The following LRRD1 variants were observed in gnomAD, a reference collection of about 807,000 sequenced individuals.
LRRD1 encodes the protein leucine rich repeats and death domain containing 1.
LRRD1 carries 49 observed loss-of-function variants against 69.5 expected under a neutral mutation model. The ratio of observed to expected loss-of-function variants is 0.70; its 90% CI spans 0.56 to 0.89. The LOEUF is 0.89. Among genes scored for constraint, LRRD1 ranks in the 40% least tolerant of loss-of-function variants. LRRD1 has a pLI of 0.00. For missense variants in LRRD1, 853 were observed against 956.0 expected, an observed-to-expected ratio of 0.89 and a Z score of 1.42; for synonymous variants, 303 against 338.9, an observed-to-expected ratio of 0.89 and a Z score of 1.16.
intron 3 of LRRD1, among the ~76,000 whole-genome samples, chr7:92,153,744 C>G (rs971964507): frequency 1.3e-5 from 2 of 150,654 alleles, no homozygotes; most frequent in Non-Finnish European, 3.0e-5. Flanking sequence ...AGGCAGGAAA[C>G]CCCAGAGGCA....
At chr7:92,150,151 C>A (rs1357542814) in intron 4 of LRRD1, among the ~76,000 whole-genome samples, 2 of 152,222 alleles carry the variant, frequency 1.3e-5, no homozygotes, top group Non-Finnish European at 2.9e-5. Flanking sequence ...TTAAAGCAAA[C>A]CATCTTTTAA....
chr7:92,167,754 G>A (rs1788942838), intron 1 of LRRD1, among the ~76,000 whole-genome samples: 1 of 150,124 alleles, frequency 6.7e-6, no homozygotes, highest in South Asian at 2.1e-4. Context: ...GCGGGTGCCT[G>A]TAGTCCCAGC....
intron 3 of LRRD1, among the ~76,000 whole-genome samples, chr7:92,155,043 A>G (rs1788621923): frequency 1.3e-5 from 2 of 152,200 alleles, no homozygotes; most frequent in East Asian, 1.9e-4. Context: ...TCACAATTTC[A>G]TCGATAGAAT....
intron 3 of LRRD1, among the ~76,000 whole-genome samples, chr7:92,157,842 G>A (rs1313318460): frequency 6.6e-6 from 1 of 151,784 alleles, no homozygotes; most frequent in Non-Finnish European, 1.5e-5. Flanking sequence ...CTCCCAAAGT[G>A]CTGGAATTAC....
chr7:92,160,912 C>G (rs760094775), intron 2 of LRRD1, among the ~76,000 whole-genome samples: 4 of 152,102 alleles, frequency 2.6e-5, no homozygotes, highest in Admixed American at 1.3e-4. Flanking sequence ...CAGTGAGAAG[C>G]TGACCAGCAA....
At position 92,166,517 on chromosome 7, in the gene LRRD1, T is replaced by C. The variant is rs144732341; in HGVS notation, c.-74-1241A>G. ...GGCCAAATTTACTCAAGAACAAAAA[T>C]GTAAAAATTCTAAACATTAGGGAAT... is the stretch of plus-strand genomic sequence containing the variant. On this transcript the variant is annotated intron_variant, in intron 1 of 5. Transcript: ENST00000458448. Among the ~76,000 whole-genome samples, 243 of 152,232 alleles carry C rather than the reference T, an allele frequency of 1.6e-3. 1 individual carries two copies. The highest frequency in any genetic ancestry group is 5.5e-3 in the African/African-American group (227 of 41,544).
downstream of LRRD1, chr7:92,142,369 TAAAC>T: frequency 2.3e-6 from 1 of 439,988 alleles, no homozygotes. Context: ...TCAGACAACA[TAAAC>T]AAGGTTCTGT....
chr7:92,168,655 G>T (rs1451991808), intron 1 of LRRD1, among the ~76,000 whole-genome samples: 1 of 145,322 alleles, frequency 6.9e-6, no homozygotes, highest in Non-Finnish European at 1.5e-5. Context: ...TAATGACTGA[G>T]TGGAGAAAAA....
At chr7:92,152,563 A>C (rs947978129) in intron 3 of LRRD1, among the ~76,000 whole-genome samples, 38 of 152,168 alleles carry the variant, frequency 2.5e-4, no homozygotes, top group African/African-American at 8.4e-4. Flanking sequence ...GAAACTACCA[A>C]ACTTTTCTAA....
Position 92,164,141 on chromosome 7 carries a change from G to A in LRRD1, c.1062C>T (p.Leu354=). Residue 354 remains leucine, a synonymous_variant, in exon 2 of 6, where the codon CTC becomes CTT. Coordinates refer to ENST00000458448, the MANE Select transcript of LRRD1 (RefSeq NM_001161528.2). ...EIFQLLKIKE[L]QLADNKLEVI... Reference sequence around the variant, plus strand: ...CTTCCAATTTATTGTCGGCCAGTTGGAGTTCTTTTATTTTGAGTAACTGAA... The same window carrying A: ...CTTCCAATTTATTGTCGGCCAGTTGAAGTTCTTTTATTTTGAGTAACTGAA... 1 of 1,549,738 alleles carries A rather than the reference G, an allele frequency of 6.5e-7. No individual in the cohort carries two copies. Among genetic ancestry groups the A allele is most frequent in the South Asian group, 1.2e-5 (1 of 83,736 alleles).
downstream of LRRD1, chr7:92,142,381 T>C (rs1820175529): frequency 4.5e-6 from 2 of 445,974 alleles, no homozygotes; most frequent in African/African-American, 2.0e-5. Context: ...AACAAGGTTC[T>C]GTCTCTCTCT....
intron 1 of LRRD1, among the ~76,000 whole-genome samples, chr7:92,167,823 A>G (rs1389486822): frequency 1.5e-5 from 2 of 133,482 alleles, no homozygotes; most frequent in African/African-American, 2.8e-5. Context: ...CTTGCAGTGA[A>G]CCGAGATGGC....
intron 1 of LRRD1, among the ~76,000 whole-genome samples, chr7:92,171,715 A>G (rs1789061154): frequency 6.6e-6 from 1 of 152,228 alleles, no homozygotes; most frequent in Non-Finnish European, 1.5e-5. Context: ...CACAGCAAAA[A>G]AAGAAAACTA....
At chr7:92,151,107 T>A (rs549886103) in intron 3 of LRRD1, among the ~76,000 whole-genome samples, 1 of 152,354 alleles carries the variant, frequency 6.6e-6, no homozygotes, top group South Asian at 2.1e-4. Context: ...ATTTGTTTAA[T>A]CTAAGAAACC....
Position 92,174,030 on chromosome 7 carries a change from C to T in LRRD1, c.-75+4977G>A, listed in dbSNP as rs186656968. On this transcript the variant is annotated intron_variant, in intron 1 of 5. Transcript: ENST00000458448. ...AATAAAATCCTGTCATTTGTAGCAA[C>T]ATGGATGGAACTAGAGGTCATTTGT... Among the ~76,000 whole-genome samples the T allele has an allele frequency of 7.2e-5, 11 of 152,162 alleles. No individual in the cohort carries two copies. The East Asian group carries it at 1.9e-3, about 27-fold the overall frequency.
At chr7:92,156,909 C>A (rs1345171925) in intron 3 of LRRD1, among the ~76,000 whole-genome samples, 3 of 151,874 alleles carry the variant, frequency 2.0e-5, no homozygotes, top group African/African-American at 7.3e-5. Context: ...AGGAGTTTTG[C>A]AGATGTATTT....
chr7:92,161,499 C>A (rs1788795086), intron 2 of LRRD1, among the ~76,000 whole-genome samples: 1 of 152,234 alleles, frequency 6.6e-6, no homozygotes, highest in Non-Finnish European at 1.5e-5. Flanking sequence ...AGTCTGACAA[C>A]TTTGATAAGG....
chr7:92,144,414 G>A (rs1384793279), downstream of LRRD1, among the ~76,000 whole-genome samples: 2 of 152,074 alleles, frequency 1.3e-5, no homozygotes, highest in African/African-American at 4.8e-5. Context: ...AGATCACAAG[G>A]TCAGGAGATG....
In LRRD1 at chr7:92,163,622, C is replaced by T; in HGVS notation, c.1581G>A (p.Glu527=). The T allele has an allele frequency of 6.6e-7, 1 of 1,518,258 alleles. No individual in the cohort carries two copies. The highest frequency in any genetic ancestry group is 8.8e-7 in the Non-Finnish European group (1 of 1,136,394). The allele number at this position is 1,518,258 out of a possible 1,614,324, so 94.0% of individuals were successfully genotyped here. ...LSENKLLIFS[E]HFCSLINLKY... is the part of the protein sequence containing the mutation. ...TAAGATTAATAAGAGAACAAAAGTG[C>T]TCAGAAAATATGAGGAGTTTGTTTT... Residue 527 remains glutamate (E), a synonymous_variant, in exon 2 of 6, where the codon GAG becomes GAA. Transcript: ENST00000458448.
Sources: gnomAD v4.1 joint callset for allele counts (sites outside exome capture counted in the v4.1 genomes callset) on GRCh38, gnomAD v4.1.1 for gene constraint, MANE v1.5 for transcripts, NCBI Gene and HGNC (gene_info 2026-07-23, HGNC 2026-07-21) for gene names.